The following CDH13 variants were observed in gnomAD, a reference collection of about 807,000 sequenced individuals.
CDH13 encodes cadherin 13, also known as cadherin-13.
A neutral mutation model predicts 63.8 loss-of-function variants in CDH13; 24 were observed. The observed-to-expected ratio is 0.38, with a 90% CI of 0.27 to 0.53. The LOEUF (loss-of-function observed/expected upper bound fraction) is 0.53, where lower values mean the gene tolerates loss of function less well. Among genes scored for constraint, CDH13 ranks in the 20% least tolerant of loss-of-function variants. The probability of loss-of-function intolerance (pLI) is 0.85; values close to 1 mark genes in which losing one functional copy is unlikely to be tolerated. For missense variants in CDH13, 1,049 were observed against 903.1 expected (o/e 1.16, Z -2.07); for synonymous variants, 503 against 355.3 (o/e 1.42, Z -4.67).
chr16:83,056,709 T>C (rs937358467), intron 3 of CDH13, among the ~76,000 whole-genome samples: 1 of 152,120 alleles, frequency 6.6e-6, no homozygotes, highest in African/African-American at 2.4e-5. Flanking sequence ...GCAGCTCCCA[T>C]AATCCCCACA....
intron 4 of CDH13, among the ~76,000 whole-genome samples, chr16:83,151,215 A>G (rs759554599): frequency 6.6e-6 from 1 of 152,240 alleles, no homozygotes; most frequent in Non-Finnish European, 1.5e-5. Flanking sequence ...AGACAGACAC[A>G]TAATTGAACA....
At chr16:83,628,314 C>T (rs1350250143) in intron 8 of CDH13, among the ~76,000 whole-genome samples, 1 of 152,154 alleles carries the variant, frequency 6.6e-6, no homozygotes, top group African/African-American at 2.4e-5. Context: ...CCCCTTGTTG[C>T]CCAGGCTGGT....
At chr16:83,224,466 G>C (rs186783322) in intron 5 of CDH13, among the ~76,000 whole-genome samples, 1 of 152,192 alleles carries the variant, frequency 6.6e-6, no homozygotes, top group Non-Finnish European at 1.5e-5. Flanking sequence ...ACACCTAGGA[G>C]ACTGTGTTCT....
chr16:83,771,584 C>G (rs180927277), intron 11 of CDH13, among the ~76,000 whole-genome samples: 326 of 152,322 alleles, frequency 2.1e-3, no homozygotes, highest in Middle Eastern at 6.8e-3. Context: ...GCAACAGAGC[C>G]AGTAACTCAG....
intron 1 of CDH13, among the ~76,000 whole-genome samples, chr16:82,822,676 G>T (rs1407374157): frequency 1.3e-5 from 2 of 152,102 alleles, no homozygotes; most frequent in Non-Finnish European, 2.9e-5. Flanking sequence ...TAATTTTTCT[G>T]TAGAAATTGG....
At chr16:83,127,708 C>T (rs934196067) in intron 4 of CDH13, among the ~76,000 whole-genome samples, 5 of 152,170 alleles carry the variant, frequency 3.3e-5, no homozygotes, top group African/African-American at 1.2e-4. Flanking sequence ...GCATGGGCGA[C>T]AGGGTGAGAC....
chr16:82,943,991 G>A (rs1335274465), intron 2 of CDH13, among the ~76,000 whole-genome samples: 1 of 152,186 alleles, frequency 6.6e-6, no homozygotes, highest in African/African-American at 2.4e-5. Context: ...GGCTTCCACT[G>A]CAGTGAATGC....
At chr16:82,873,374 A>G (rs972086167) in intron 2 of CDH13, among the ~76,000 whole-genome samples, 16 of 152,230 alleles carry the variant, frequency 1.1e-4, no homozygotes, top group Middle Eastern at 3.2e-3. Context: ...TGGTGTTACA[A>G]TCCTCTGACT....
At chr16:83,476,045 A>G (rs2073595303) in intron 6 of CDH13, among the ~76,000 whole-genome samples, 2 of 152,214 alleles carry the variant, frequency 1.3e-5, no homozygotes, top group Non-Finnish European at 2.9e-5. Flanking sequence ...CTCCAGCTTT[A>G]TATTACCTTA....
intron 10 of CDH13, among the ~76,000 whole-genome samples, chr16:83,696,550 C>A (rs1214120893): frequency 6.6e-6 from 1 of 152,198 alleles, no homozygotes; most frequent in Non-Finnish European, 1.5e-5. Flanking sequence ...AGGGAGAATT[C>A]TTAGGCAAGT....
At chr16:82,806,945 T>G (rs2037174571) in intron 1 of CDH13, among the ~76,000 whole-genome samples, 1 of 152,162 alleles carries the variant, frequency 6.6e-6, no homozygotes, top group Non-Finnish European at 1.5e-5. Context: ...GGCATAGCAG[T>G]CATCATTGGG....
intron 1 of CDH13, among the ~76,000 whole-genome samples, chr16:82,708,233 C>G (rs570504266): frequency 6.4e-4 from 98 of 152,250 alleles, no homozygotes; most frequent in African/African-American, 2.2e-3. Context: ...CTGTGAGTGA[C>G]GCTGCGAAAT....
intron 1 of CDH13, among the ~76,000 whole-genome samples, chr16:82,784,029 T>C (rs1405100012): frequency 1.3e-5 from 2 of 152,198 alleles, no homozygotes; most frequent in African/African-American, 4.8e-5. Context: ...GCTGGGCAAT[T>C]ATCCTTTTTC....
At chr16:83,597,238 C>A (rs113517784) in intron 7 of CDH13, among the ~76,000 whole-genome samples, 9 of 133,306 alleles carry the variant, frequency 6.8e-5, no homozygotes, top group East Asian at 2.0e-4. Flanking sequence ...CACACACACA[C>A]AAAAAGTAGA....
chr16:83,101,669 A>G (rs12924283), intron 3 of CDH13, among the ~76,000 whole-genome samples: 3 of 151,940 alleles, frequency 2.0e-5, no homozygotes, highest in Admixed American at 6.6e-5. Context: ...TTTTGCATGC[A>G]TGTCATCCCA....
intron 5 of CDH13, among the ~76,000 whole-genome samples, chr16:83,286,674 T>G (rs2089322816): frequency 6.6e-6 from 1 of 151,302 alleles, no homozygotes; most frequent in African/African-American, 2.4e-5. Context: ...GAGAATTACC[T>G]GAACCTGGGA....
chr16:82,789,904 A>G (rs550266801), intron 1 of CDH13, among the ~76,000 whole-genome samples: 1 of 152,244 alleles, frequency 6.6e-6, no homozygotes, highest in African/African-American at 2.4e-5. Flanking sequence ...CGGAGGAAGA[A>G]TCAGGGTGGT....
At chr16:83,281,385 A>G (rs544284102) in intron 5 of CDH13, among the ~76,000 whole-genome samples, 2 of 152,356 alleles carry the variant, frequency 1.3e-5, no homozygotes, top group South Asian at 4.1e-4. Flanking sequence ...GGTCTGGATT[A>G]GGCTTTACCT....
chr16:82,755,339 T>C (rs1200139264), intron 1 of CDH13, among the ~76,000 whole-genome samples: 1 of 152,144 alleles, frequency 6.6e-6, no homozygotes, highest in Admixed American at 6.5e-5. Flanking sequence ...ATGGCAGTGA[T>C]TGCACTGAGG....
Sources: allele counts gnomAD v4.1 joint callset (sites outside exome capture counted in the v4.1 genomes callset), GRCh38; gene constraint gnomAD v4.1.1; transcripts MANE v1.5; gene names NCBI Gene and HGNC (gene_info 2026-07-23, HGNC 2026-07-21).